The following NCAPG2 variants were observed in gnomAD, a reference collection of about 807,000 sequenced individuals.
NCAPG2 encodes condensin-2 complex subunit G2.
A neutral mutation model predicts 141.1 loss-of-function variants in NCAPG2; 53 were observed. The observed-to-expected ratio is 0.38, with a 90% confidence interval of 0.30 to 0.47. The LOEUF (loss-of-function observed/expected upper bound fraction) is 0.47. Among genes scored for constraint, NCAPG2 ranks in the 20% least tolerant of loss-of-function variants. The pLI is 0.99. For missense variants in NCAPG2, 1,087 were observed against 1,389.0 expected, an observed-to-expected ratio of 0.78 and a Z score of 3.46; for synonymous variants, 499 against 490.7, an observed-to-expected ratio of 1.02 and a Z score of -0.22.
In NCAPG2 at chr7:158,675,476, C is replaced by T; in HGVS notation, c.1326+1G>A. On this transcript the variant is annotated splice_donor_variant, in intron 12 of 27. Coordinates refer to ENST00000356309, the MANE Select transcript of NCAPG2 (RefSeq NM_017760.7). LOFTEE classifies it high-confidence loss of function. ...TACTTACATAATTTAAAAAATCTTACCTTAAAGACAGAACAACGAACATCA... is the reference window on the plus strand; with the variant it reads ...TACTTACATAATTTAAAAAATCTTATCTTAAAGACAGAACAACGAACATCA... 6.3e-7 allele frequency: 1 copy of T among 1,584,308 alleles called. No individual in the cohort carries two copies. Among genetic ancestry groups the T allele is most frequent in the Non-Finnish European group, 8.5e-7 (1 of 1,172,010 alleles).
At chr7:158,676,486 A>C (rs1834057745) in intron 11 of NCAPG2, among the ~76,000 whole-genome samples, 1 of 152,208 alleles carries the variant, frequency 6.6e-6, no homozygotes, top group South Asian at 2.1e-4. Context: ...GGGTACCCAA[A>C]GACACTAAGC....
chr7:158,684,952 G>A (rs942489900), intron 8 of NCAPG2, among the ~76,000 whole-genome samples: 1 of 152,184 alleles, frequency 6.6e-6, no homozygotes, highest in Non-Finnish European at 1.5e-5. Context: ...CCCAGACATG[G>A]GGCAGCCTCT....
intron 16 of NCAPG2, among the ~76,000 whole-genome samples, chr7:158,659,893 T>C (rs1832341653): frequency 6.6e-6 from 1 of 151,858 alleles, no homozygotes; most frequent in Non-Finnish European, 1.5e-5. Context: ...AGGCGGATCA[T>C]GAGGTCAGGA....
At chr7:158,635,982 T>TA (rs1830167579) in intron 27 of NCAPG2, among the ~76,000 whole-genome samples, 1 of 152,254 alleles carries the variant, frequency 6.6e-6, no homozygotes, top group Non-Finnish European at 1.5e-5. Flanking sequence ...TTGATTTTTT[T>TA]AGACACTGGT....
intron 13 of NCAPG2, among the ~76,000 whole-genome samples, chr7:158,669,607 T>TA (rs879931042): frequency 2.2e-3 from 321 of 143,606 alleles, no homozygotes; most frequent in South Asian, 4.0e-3. Context: ...TACTAAAATT[T>TA]AAAAAAAAAA....
intron 2 of NCAPG2, among the ~76,000 whole-genome samples, chr7:158,699,254 C>A (rs976880085): frequency 6.6e-6 from 1 of 152,164 alleles, no homozygotes; most frequent in Non-Finnish European, 1.5e-5. Flanking sequence ...TGATGGAATT[C>A]TCCTCAGTGC....
At chr7:158,632,345 A>G (rs1829946037) in intron 27 of NCAPG2, among the ~76,000 whole-genome samples, 1 of 152,146 alleles carries the variant, frequency 6.6e-6, no homozygotes, top group African/African-American at 2.4e-5. Context: ...TCATTATTAG[A>G]CAGGTAGCAT....
chr7:158,656,185 T>C, intron 19 of NCAPG2, 75 bp downstream of exon 19: 2 of 1,511,978 alleles, frequency 1.3e-6, no homozygotes, highest in Non-Finnish European at 1.8e-6. Context: ...GCACTGTAAA[T>C]ATGAAAGCTT....
intron 11 of NCAPG2, among the ~76,000 whole-genome samples, chr7:158,677,181 G>A (rs535983232): frequency 2.0e-5 from 3 of 152,178 alleles, no homozygotes; most frequent in African/African-American, 7.2e-5. Context: ...GAGATACTGG[G>A]CAACAGACAA....
intron 27 of NCAPG2, among the ~76,000 whole-genome samples, chr7:158,634,151 A>G (rs1440086341): frequency 1.3e-5 from 2 of 151,794 alleles, no homozygotes; most frequent in Non-Finnish European, 2.9e-5. Context: ...AACCCTCACT[A>G]TCTGTGGGAG....
In NCAPG2 at chr7:158,689,914, A is replaced by G. The variant is rs759901749; in HGVS notation, c.577T>C (p.Leu193=). ...VCRLWRIHQA[L]YCFDYDLEES... ...TCCAAATCATAATCAAAGCAATATA[A>G]AGCTTGATGGATACGCCAAAGCCGA... Residue 193 remains leucine, a synonymous_variant, in exon 6 of 28, where the codon TTA becomes CTA. Coordinates refer to ENST00000356309, the MANE Select transcript of NCAPG2 (RefSeq NM_017760.7). The G allele has an allele frequency of 7.5e-6, 12 of 1,605,204 alleles. No individual in the cohort carries two copies. The South Asian group carries it at 1.4e-4, about 18-fold the overall frequency.
At chr7:158,667,838 CT>C (rs1175714578) in intron 13 of NCAPG2, among the ~76,000 whole-genome samples, 1 of 26,880 alleles carries the variant, frequency 3.7e-5, no homozygotes, top group Non-Finnish European at 7.6e-5. Context: ...TCCCTCCGCC[CT>C]CCCTTACCCA....
intron 16 of NCAPG2, among the ~76,000 whole-genome samples, chr7:158,661,621 T>G (rs1432313906): frequency 6.6e-6 from 1 of 152,154 alleles, no homozygotes; most frequent in Admixed American, 6.5e-5. Flanking sequence ...GCCACAGAAA[T>G]GGTAAGTATG....
At chr7:158,691,348 T>C (rs1204828118) in intron 4 of NCAPG2, among the ~76,000 whole-genome samples, 1 of 152,218 alleles carries the variant, frequency 6.6e-6, no homozygotes, top group African/African-American at 2.4e-5. Context: ...CACTAATCAT[T>C]TCACTAGTTA....
intron 11 of NCAPG2, among the ~76,000 whole-genome samples, chr7:158,675,880 CCT>C (rs1159736672): frequency 6.6e-6 from 1 of 152,166 alleles, no homozygotes. Flanking sequence ...TGCCACATCC[CCT>C]GACAGCAGGG....
chr7:158,694,944 G>GCT (rs1468347918), intron 2 of NCAPG2, among the ~76,000 whole-genome samples: 1 of 152,106 alleles, frequency 6.6e-6, no homozygotes, highest in Admixed American at 6.5e-5. Flanking sequence ...ACACAGACCA[G>GCT]CTCTCAAATG....
At chr7:158,664,104 A>C in intron 15 of NCAPG2, 80 bp downstream of exon 15, 2 of 1,073,400 alleles carry the variant, frequency 1.9e-6, no homozygotes, top group Non-Finnish European at 1.4e-6. Flanking sequence ...AAGAAAACAT[A>C]GGAATATTCC....
At chr7:158,663,173 G>C (rs1832655771) in intron 15 of NCAPG2, among the ~76,000 whole-genome samples, 1 of 152,180 alleles carries the variant, frequency 6.6e-6, no homozygotes, top group Non-Finnish European at 1.5e-5. Flanking sequence ...CTGCTGTCGA[G>C]GCCTGTCACG....
chr7:158,654,448 C>G, intron 22 of NCAPG2, 147 bp downstream of exon 22: 1 of 760,276 alleles, frequency 1.3e-6, no homozygotes, highest in Non-Finnish European at 2.0e-6. Context: ...CGGGCTGAAC[C>G]ACCTAACAAA....
Sources: allele counts gnomAD v4.1 joint callset (sites outside exome capture counted in the v4.1 genomes callset), GRCh38; gene constraint gnomAD v4.1.1; transcripts MANE v1.5; gene names NCBI Gene and HGNC (gene_info 2026-07-23, HGNC 2026-07-21).